The following MEF2A variants were observed in gnomAD, a reference collection of about 807,000 sequenced individuals.
MEF2A encodes myocyte-specific enhancer factor 2A.
MEF2A carries 28 observed loss-of-function variants against 55.8 expected under a neutral mutation model. The observed-to-expected ratio is 0.50, with a 90% CI of 0.37 to 0.69. MEF2A has a LOEUF of 0.69. Among genes scored for constraint, MEF2A ranks in the 30% least tolerant of loss-of-function variants. The pLI, the probability that MEF2A is intolerant of heterozygous loss-of-function variation, is 0.00. For missense variants in MEF2A, 528 were observed against 626.2 expected (o/e 0.84, Z 1.67); for synonymous variants, 239 against 227.1 (o/e 1.05, Z -0.47).
In MEF2A at chr15:99,688,138, T is replaced by C. The variant is rs1412312063; in HGVS notation, c.671-2103T>C. On this transcript the variant is annotated intron_variant, in intron 7 of 11. Transcript: ENST00000557942. ...ACTTTGAAATTGAAATACCACACTGTAATCTCTGTTTTATAAATGCACATT... is the reference window on the plus strand; with the variant it reads ...ACTTTGAAATTGAAATACCACACTGCAATCTCTGTTTTATAAATGCACATT... 3.9e-5 allele frequency among the ~76,000 whole-genome samples: 6 copies of C among 152,370 alleles called. No individual in the cohort carries two copies. In the East Asian group the frequency reaches 1.2e-3, roughly 29 times the overall value.
chr15:99,622,762 G>A (rs1033665796), intron 2 of MEF2A, among the ~76,000 whole-genome samples: 7 of 149,958 alleles, frequency 4.7e-5, no homozygotes, highest in Non-Finnish European at 8.9e-5. Flanking sequence ...GAGTGCAGTG[G>A]CGTGATCTTG....
chr15:99,590,034 A>G (rs1423928723), intron 1 of MEF2A, among the ~76,000 whole-genome samples: 2 of 152,078 alleles, frequency 1.3e-5, no homozygotes, highest in African/African-American at 2.4e-5. Flanking sequence ...CAGGTCTTAT[A>G]CATCTTCACT....
chr15:99,610,982 C>T (rs1977052703), intron 2 of MEF2A, among the ~76,000 whole-genome samples: 1 of 152,242 alleles, frequency 6.6e-6, no homozygotes, highest in Non-Finnish European at 1.5e-5. Flanking sequence ...TGGCTCATGC[C>T]TATAATCCCA....
chr15:99,694,982 G>GTT (rs56283620), intron 8 of MEF2A, among the ~76,000 whole-genome samples: 2 of 147,320 alleles, frequency 1.4e-5, no homozygotes, highest in African/African-American at 5.0e-5. Context: ...ATTTTTGTGG[G>GTT]TTTTTTTTTT....
chr15:99,661,767 A>G (rs937689011), intron 4 of MEF2A, among the ~76,000 whole-genome samples: 4 of 151,910 alleles, frequency 2.6e-5, no homozygotes, highest in African/African-American at 7.3e-5. Flanking sequence ...ATGAACTAAT[A>G]CTTCTATTCC....
chr15:99,712,908 TG>T lies in MEF2A; in HGVS notation c.*140del. 1 of 974,056 alleles carries T rather than the reference TG, an allele frequency of 1.0e-6. No homozygotes were observed. The highest frequency in any genetic ancestry group is 1.5e-6 in the Non-Finnish European group (1 of 688,986). 60.3% of individuals were successfully genotyped at this position (974,056 alleles called of 1,614,324 possible). On this transcript the variant is annotated 3_prime_UTR_variant, in exon 12 of 12. Transcript: ENST00000557942. This position sits in a 1 kb window ranked among gnomAD's most constrained non-coding sequence, Gnocchi z 4.1. The stretch of plus-strand genomic sequence containing the variant: ...ATATCCCTTTACATATATATGTATG[TG>T]GGTGTGAGTGTGTATGTGTGGGTGT...
chr15:99,680,861 A>G (rs1396976184), intron 7 of MEF2A, among the ~76,000 whole-genome samples: 1 of 152,188 alleles, frequency 6.6e-6, no homozygotes. Context: ...TAACATCTTT[A>G]TTGTAGTAAA....
intron 1 of MEF2A, among the ~76,000 whole-genome samples, chr15:99,588,416 C>T (rs771808165): frequency 6.6e-6 from 1 of 152,000 alleles, no homozygotes; most frequent in Non-Finnish European, 1.5e-5. Flanking sequence ...ATTCTCCTTC[C>T]TCAGCCTCCC....
chr15:99,644,893 A>C (rs1352555986), intron 3 of MEF2A, among the ~76,000 whole-genome samples: 1 of 152,128 alleles, frequency 6.6e-6, no homozygotes, highest in Non-Finnish European at 1.5e-5. Flanking sequence ...GAAGTTTTTG[A>C]AGGGGAGGGA....
intron 11 of MEF2A, among the ~76,000 whole-genome samples, chr15:99,711,527 T>C (rs894005044): frequency 6.6e-6 from 1 of 151,574 alleles, no homozygotes; most frequent in Non-Finnish European, 1.5e-5. Context: ...TGGAGGAGAG[T>C]GTCCCAAGAG....
intron 7 of MEF2A, among the ~76,000 whole-genome samples, chr15:99,677,536 A>G (rs932495575): frequency 1.2e-4 from 19 of 152,152 alleles, no homozygotes; most frequent in African/African-American, 4.6e-4. Context: ...AATTTTGGAG[A>G]CACAAAGGGA....
chr15:99,691,327 T>C (rs2055413668), intron 8 of MEF2A, among the ~76,000 whole-genome samples: 1 of 152,216 alleles, frequency 6.6e-6, no homozygotes, highest in African/African-American at 2.4e-5. Flanking sequence ...TTATTTATTC[T>C]CTGTACTTTG....
At chr15:99,623,568 C>G (rs2041591180) in intron 2 of MEF2A, among the ~76,000 whole-genome samples, 1 of 152,142 alleles carries the variant, frequency 6.6e-6, no homozygotes, top group African/African-American at 2.4e-5. Flanking sequence ...GCTTGCTGTT[C>G]TGTTTCTTAA....
chr15:99,693,253 A>C (rs974012103), intron 8 of MEF2A, among the ~76,000 whole-genome samples: 4 of 152,246 alleles, frequency 2.6e-5, no homozygotes, highest in Admixed American at 2.0e-4. Context: ...AAAACAAGAC[A>C]AAATAAACAG....
At chr15:99,621,152 C>G (rs759904586) in intron 2 of MEF2A, 1 of 152,222 alleles carries the variant, frequency 6.6e-6, no homozygotes, top group East Asian at 1.9e-4. Context: ...GCCAGCCTCA[C>G]CGATGTCTAT....
chr15:99,703,453 G>T, intron 9 of MEF2A, 68 bp downstream of exon 9: 1 of 1,495,194 alleles, frequency 6.7e-7, no homozygotes, highest in Non-Finnish European at 9.0e-7. Context: ...CTTACGTGTT[G>T]TTATCTAACC....
rs148575283 is a variant in MEF2A at position 99,605,046 on chromosome 15, A to G, written c.-143+6535A>G. ...CTGCAACCTCCACCTCCCAGGTTCA[A>G]GCTGTTCTCTTGCCTCATCCTCCCA... On this transcript the variant is annotated intron_variant, in intron 2 of 11. Coordinates refer to ENST00000557942, the MANE Select transcript of MEF2A (RefSeq NM_001319206.4). 9.2e-5 allele frequency among the ~76,000 whole-genome samples: 14 copies of G among 152,250 alleles called. 1 individual carries two copies. The highest frequency in any genetic ancestry group is 3.4e-4 in the African/African-American group (14 of 41,546).
At chr15:99,671,109 C>G (rs925918799) in intron 4 of MEF2A, among the ~76,000 whole-genome samples, 1 of 152,172 alleles carries the variant, frequency 6.6e-6, no homozygotes, top group African/African-American at 2.4e-5. Flanking sequence ...ACAAATATTC[C>G]TTTTCTCTTA....
intron 6 of MEF2A, 72 bp from the exon 7 acceptor site, chr15:99,675,326 AC>A (rs2051748758): frequency 8.0e-7 from 1 of 1,246,968 alleles, no homozygotes; most frequent in Non-Finnish European, 1.2e-6. Flanking sequence ...TATTCAGTTC[AC>A]GTTCAGTTAG....
Sources: gnomAD v4.1 joint callset for allele counts (sites outside exome capture counted in the v4.1 genomes callset) on GRCh38, gnomAD v4.1.1 for gene constraint, Gnocchi (gnomAD v3.1) non-coding constraint, MANE v1.5 for transcripts, NCBI Gene and HGNC (gene_info 2026-07-23, HGNC 2026-07-21) for gene names.